GRID1: variants seen among roughly 807,000 people sequenced by gnomAD.
The protein encoded by GRID1 is glutamate ionotropic receptor delta type subunit 1, also known as glutamate receptor ionotropic, delta-1.
Under a neutral mutation model 98.0 loss-of-function variants are expected in GRID1, and 28 were observed. That is an observed-to-expected ratio of 0.29 (90% CI 0.21 to 0.39). The LOEUF (loss-of-function observed/expected upper bound fraction) is 0.39, where lower values mean the gene tolerates loss of function less well. Among genes scored for constraint, GRID1 ranks in the 10% least tolerant of loss-of-function variants. GRID1 has a pLI of 1.00. For synonymous variants in GRID1, 553 were observed against 538.5 expected, an observed-to-expected ratio of 1.03 and a Z score of -0.37; for missense variants, 1,111 against 1,340.5, an observed-to-expected ratio of 0.83 and a Z score of 2.67.
At chr10:86,115,293 C>T (rs968249820) in intron 4 of GRID1, among the ~76,000 whole-genome samples, 5 of 151,924 alleles carry the variant, frequency 3.3e-5, no homozygotes, top group African/African-American at 1.2e-4. Flanking sequence ...CATTGAGGCA[C>T]CACTGCTGCA....
intron 12 of GRID1, among the ~76,000 whole-genome samples, chr10:85,694,596 ATATATAAT>A (rs1841372711): frequency 9.3e-5 from 10 of 107,710 alleles, no homozygotes; most frequent in Non-Finnish European, 8.1e-5. Flanking sequence ...ATATATATAT[ATATATAAT>A]GGAATATTAT....
intron 12 of GRID1, among the ~76,000 whole-genome samples, chr10:85,663,704 T>A (rs1840990745): frequency 6.6e-6 from 1 of 152,226 alleles, no homozygotes. Flanking sequence ...ACCCACTTTT[T>A]ATCTCCAGAG....
chr10:86,335,805 G>A (rs1269453996), intron 2 of GRID1, among the ~76,000 whole-genome samples: 1 of 152,204 alleles, frequency 6.6e-6, no homozygotes, highest in East Asian at 1.9e-4. Context: ...GAAAGTATCT[G>A]ACTCTTTCAA....
In GRID1 at chr10:85,916,714, G is replaced by A. The variant is rs1365849984; in HGVS notation, c.727-475C>T. ...CAGCTCACAGCAGCTCTGGGGCTCC[G>A]AGTTTCCTTCAGTTCTTTAGGATCC... On this transcript the variant is annotated intron_variant, in intron 4 of 15. Coordinates refer to ENST00000327946, the MANE Select transcript of GRID1 (RefSeq NM_017551.3). This position sits in a 1 kb window ranked among gnomAD's most constrained non-coding sequence, Gnocchi z 4.0. Among the ~76,000 whole-genome samples the A allele has an allele frequency of 6.6e-6, 1 of 152,140 alleles. No homozygotes were observed. Among genetic ancestry groups the A allele is most frequent in the Non-Finnish European group, 1.5e-5 (1 of 68,032 alleles).
intron 8 of GRID1, among the ~76,000 whole-genome samples, chr10:85,736,213 A>G (rs1353937741): frequency 7.3e-6 from 1 of 137,506 alleles, no homozygotes; most frequent in East Asian, 2.5e-4. Flanking sequence ...GGAAGCAAAG[A>G]AGGAGGGAAG....
At chr10:86,265,323 G>A (rs887833912) in intron 2 of GRID1, among the ~76,000 whole-genome samples, 4 of 152,222 alleles carry the variant, frequency 2.6e-5, no homozygotes, top group Admixed American at 1.3e-4. Flanking sequence ...AAAGTGATCC[G>A]AGTTCTGAAT....
chr10:86,133,501 C>G (rs1844869847), intron 4 of GRID1, among the ~76,000 whole-genome samples: 1 of 152,194 alleles, frequency 6.6e-6, no homozygotes, highest in South Asian at 2.1e-4. Context: ...GCTGAGCCAC[C>G]CAGGCCTAAG....
intron 3 of GRID1, among the ~76,000 whole-genome samples, chr10:86,145,381 C>A (rs979287281): frequency 1.3e-5 from 2 of 152,164 alleles, no homozygotes; most frequent in African/African-American, 4.8e-5. Flanking sequence ...CGCCACCACG[C>A]CCGGCTCATT....
At chr10:85,763,969 A>G (rs1306624833) in intron 8 of GRID1, among the ~76,000 whole-genome samples, 1 of 152,224 alleles carries the variant, frequency 6.6e-6, no homozygotes, top group Non-Finnish European at 1.5e-5. Flanking sequence ...AAGATTAAAT[A>G]ATAGATAAAT....
At chr10:85,713,519 C>A (rs1194442124) in intron 12 of GRID1, among the ~76,000 whole-genome samples, 3 of 151,448 alleles carry the variant, frequency 2.0e-5, no homozygotes, top group Admixed American at 6.6e-5. Flanking sequence ...ACCTTTATAT[C>A]AAAGCCTGAC....
intron 8 of GRID1, among the ~76,000 whole-genome samples, chr10:85,821,076 C>G (rs1842765295): frequency 1.3e-5 from 2 of 151,652 alleles, no homozygotes. Flanking sequence ...TGAAATTACT[C>G]AACAATAAAA....
chr10:86,085,458 C>T (rs1454362262), intron 4 of GRID1, among the ~76,000 whole-genome samples: 2 of 152,186 alleles, frequency 1.3e-5, no homozygotes, highest in East Asian at 3.9e-4. Flanking sequence ...CGAGAGAGCA[C>T]AGCTGGTTGG....
At position 85,771,100 on chromosome 10, in the gene GRID1, C is replaced by G. The variant is rs568761124; in HGVS notation, c.1234-41486G>C. Among the ~76,000 whole-genome samples, 12 of 152,284 alleles carry G rather than the reference C, an allele frequency of 7.9e-5. No individual in the cohort carries two copies. In the East Asian group the frequency reaches 2.1e-3, roughly 27 times the overall value. On this transcript the variant is annotated intron_variant, in intron 8 of 15. Coordinates refer to ENST00000327946, the MANE Select transcript of GRID1 (RefSeq NM_017551.3). Reference sequence around the variant, plus strand: ...AGGTCGGGTTACCCACAAAGGGAAGCCCATCAGACTAACATCGGATCTCTC... The same window carrying G: ...AGGTCGGGTTACCCACAAAGGGAAGGCCATCAGACTAACATCGGATCTCTC...
chr10:85,935,921 G>C (rs1338559753), intron 4 of GRID1, among the ~76,000 whole-genome samples: 17 of 152,174 alleles, frequency 1.1e-4, no homozygotes, highest in Non-Finnish European at 1.0e-4. Context: ...AACTACTCTA[G>C]TTTTGGCATG....
intron 12 of GRID1, among the ~76,000 whole-genome samples, chr10:85,705,934 A>G (rs559483614): frequency 3.3e-5 from 5 of 152,340 alleles, no homozygotes; most frequent in African/African-American, 1.2e-4. Flanking sequence ...AAAACTCTCA[A>G]TAAATTAGGT....
intron 10 of GRID1, 84 bp from the exon 11 acceptor site, chr10:85,724,760 C>CT: frequency 9.5e-7 from 1 of 1,056,092 alleles, no homozygotes. Flanking sequence ...ACCCTCTGTC[C>CT]TTTGAGTTGC....
chr10:85,602,331 G>A lies in GRID1; in HGVS notation c.2972C>T (p.Pro991Leu). The A allele has an allele frequency of 1.3e-6, 2 of 1,569,498 alleles. No homozygotes were observed. Among genetic ancestry groups the A allele is most frequent in the Non-Finnish European group, 1.7e-6 (2 of 1,155,446 alleles). The part of the protein sequence containing the change: ...VKTPIPMSFQ[P>L]VPGGVLPEAL... ...CTCTGGAAGGACGCCTCCAGGCACGGGCTGGAAGGACATGGGGATGGGGGT... is the reference window on the plus strand; with the variant it reads ...CTCTGGAAGGACGCCTCCAGGCACGAGCTGGAAGGACATGGGGATGGGGGT... The change falls in exon 16 of 16, where the codon CCC becomes CTC. Residue 991 changes from proline to leucine, a missense_variant. Transcript: ENST00000327946.
intron 3 of GRID1, among the ~76,000 whole-genome samples, chr10:86,156,467 G>GAGAGCTGCC (rs1845247329): frequency 6.6e-6 from 1 of 152,200 alleles, no homozygotes; most frequent in Non-Finnish European, 1.5e-5. Context: ...CTCAGGAGGT[G>GAGAGCTGCC]AGAGCTGCCA....
intron 4 of GRID1, among the ~76,000 whole-genome samples, chr10:85,977,805 A>G (rs1208627373): frequency 6.6e-6 from 1 of 152,170 alleles, no homozygotes; most frequent in Non-Finnish European, 1.5e-5. Context: ...CCGCCGACCC[A>G]GTGAAAATGA....
Sources: gnomAD v4.1 joint callset for allele counts (sites outside exome capture counted in the v4.1 genomes callset) on GRCh38, gnomAD v4.1.1 for gene constraint, Gnocchi (gnomAD v3.1) non-coding constraint, MANE v1.5 for transcripts, NCBI Gene and HGNC (gene_info 2026-07-23, HGNC 2026-07-21) for gene names.